The following PPM1J variants were observed in gnomAD, a reference collection of about 807,000 sequenced individuals.
The protein encoded by PPM1J is protein phosphatase 1J.
In PPM1J, 43 loss-of-function variants were observed where a neutral mutation model predicts 53.3. The observed-to-expected ratio is 0.81, with a 90% CI of 0.63 to 1.04. PPM1J has a LOEUF of 1.04. PPM1J is among the 50% of genes least tolerant of loss of function. The pLI is 0.00. For synonymous variants in PPM1J, 267 were observed against 286.4 expected (o/e 0.93, Z 0.68); for missense variants, 635 against 685.9 (o/e 0.93, Z 0.83).
chr1:112,712,054 C>T lies in PPM1J; in HGVS notation c.844G>A (p.Ala282Thr). 3 of 1,605,908 alleles carry T rather than the reference C, an allele frequency of 1.9e-6. No homozygotes were observed. Among genetic ancestry groups the T allele is most frequent in the Non-Finnish European group, 2.6e-6 (3 of 1,174,724 alleles). The change falls in exon 5 of 10, where the codon GCC (alanine) becomes ACC (threonine). Residue 282 changes from alanine to threonine, a missense_variant and splice_region_variant. Coordinates refer to ENST00000309276, the MANE Select transcript of PPM1J (RefSeq NM_005167.7). ...VYVANAGDSRAIIVRNGEIIP... is the reference protein window; with the variant it reads ...VYVANAGDSRTIIVRNGEIIP... ...ATTTCACCATTCCGGACAATGATGG[C>T]CCTGCCCAAAGAAAGAAAAGGAATT...
rs761220235 is a variant in PPM1J, at chr1:112,711,955, T to C, written c.927+16A>G. 1.3e-6 allele frequency: 2 copies of C among 1,581,306 alleles called. No individual in the cohort carries two copies. Among genetic ancestry groups the C allele is most frequent in the South Asian group, 1.1e-5 (1 of 88,538 alleles). On this transcript the variant is annotated intron_variant, in intron 5 of 9. Transcript: ENST00000309276. ...CCCGACAAAGAATGGGGGTAGGGAA[T>C]TTGGTTCCTACTTACAAGCAGCTGA...
rs769621195 is a variant in PPM1J at position 112,715,065 on chromosome 1, C to A, written c.237G>T (p.Gly79=). 17 of 1,543,634 alleles carry A rather than the reference C, an allele frequency of 1.1e-5. No homozygotes were observed. The South Asian group carries it at 1.8e-4, about 16-fold the overall frequency. ...CCGCGTGGTCATCGGCGCGTCGCAG[C>A]CCCCCGGGGCTCAGCTGCAGAAAGG... is the stretch of plus-strand genomic sequence containing the variant. ...RPTFLQLSPG[G]LRRADDHAGR... The change falls in exon 1 of 10, where the codon GGG becomes GGT. Residue 79 remains glycine (G), a synonymous_variant. Coordinates refer to ENST00000309276, the MANE Select transcript of PPM1J (RefSeq NM_005167.7). The surrounding 1 kb of genome is among the most constrained non-coding windows in gnomAD (Gnocchi z 4.4).
chr1:112,710,082 G>T lies in PPM1J; in HGVS notation c.*81C>A, dbSNP rs546048564. On this transcript the variant is annotated 3_prime_UTR_variant, in exon 10 of 10. Transcript: ENST00000309276. The stretch of plus-strand genomic sequence containing the variant: ...TTCAGTTAAGTTGCCACTAAAGAAG[G>T]GTCAGGGAGACAACTTCAGAATTTG... 15 of 1,487,376 alleles carry T rather than the reference G, an allele frequency of 1.0e-5. No homozygotes were observed. The South Asian group carries it at 2.1e-4, about 21-fold the overall frequency. The allele number at this position is 1,487,376 out of a possible 1,614,324, so 92.1% of individuals were successfully genotyped here.
chr1:112,710,377 C>A, intron 9 of PPM1J, 67 bp from the exon 10 acceptor site: 1 of 1,611,646 alleles, frequency 6.2e-7, no homozygotes, highest in Non-Finnish European at 8.5e-7. Context: ...CACAGGCCCA[C>A]ATGTGGGGTC....
Position 112,715,276 on chromosome 1 carries a change from A to G in PPM1J, c.26T>C (p.Val9Ala). The G allele has an allele frequency of 3.0e-6, 4 of 1,324,468 alleles. No homozygotes were observed. Among genetic ancestry groups the G allele is most frequent in the Non-Finnish European group, 3.8e-6 (4 of 1,041,682 alleles). The allele number at this position is 1,324,468 out of a possible 1,614,324, so 82.0% of individuals were successfully genotyped here. The change falls in exon 1 of 10, where the codon GTG becomes GCG. Residue 9 changes from valine (V) to alanine (A), a missense_variant. Transcript: ENST00000309276. This position sits in a 1 kb window ranked among gnomAD's most constrained non-coding sequence, Gnocchi z 4.4. ...GCCCCCGGAGCTCACCAGGTGCGCCACGGCCGAGCGCACCCGGTTTAGCAT... is the reference window on the plus strand; with the variant it reads ...GCCCCCGGAGCTCACCAGGTGCGCCGCGGCCGAGCGCACCCGGTTTAGCAT... MLNRVRSA[V>A]AHLVSSGGAP...
intron 6 of PPM1J, 56 bp downstream of exon 6, chr1:112,711,210 C>G (rs1675048507): frequency 2.0e-6 from 3 of 1,491,068 alleles, no homozygotes; most frequent in South Asian, 1.1e-5. Context: ...TTGCTGCGGG[C>G]GAGGGACTGG....
rs531526071 is a variant in PPM1J at position 112,710,176 on chromosome 1, C to G, written c.1505G>C (p.Gly502Ala). Residue 502 changes from glycine (G) to alanine (A), a missense_variant, in exon 10 of 10, where the codon GGC (glycine) becomes GCC (alanine). Transcript: ENST00000309276. Reference protein sequence around the residue: ...SVFVIPLGGPGSYS With the variant: ...SVFVIPLGGPASYS ...GTGTTCAGCCCCTCAGGAGTAACTG[C>G]CTGGCCCTCCCAGGGGGATGACGAA... The G allele has an allele frequency of 3.8e-6, 6 of 1,566,914 alleles. No individual in the cohort carries two copies. The highest frequency in any genetic ancestry group is 3.4e-4 in the Middle Eastern group (2 of 5,878).
intron 2 of PPM1J, among the ~76,000 whole-genome samples, 157 bp downstream of exon 2, chr1:112,713,340 A>G (rs1234549168): frequency 6.6e-6 from 1 of 152,218 alleles, no homozygotes; most frequent in East Asian, 1.9e-4. Flanking sequence ...CTTACATGGT[A>G]GAATCTAACT....
At chr1:112,710,925 C>T in intron 7 of PPM1J, 74 bp from the exon 8 acceptor site, 2 of 1,588,392 alleles carry the variant, frequency 1.3e-6, no homozygotes, top group African/African-American at 1.3e-5. Context: ...CCTTCCACCC[C>T]TACCCTCAGG....
Position 112,713,603 on chromosome 1 carries a change from T to C in PPM1J, c.335A>G (p.Asn112Ser), listed in dbSNP as rs1196070335. The change falls in exon 2 of 10, where the codon AAT (asparagine) becomes AGT (serine). Residue 112 changes from asparagine (N) to serine (S), a missense_variant. Coordinates refer to ENST00000309276, the MANE Select transcript of PPM1J (RefSeq NM_005167.7). ...PWSTGYAEVINAGKSRHNEDQ... is the reference protein window; with the variant it reads ...PWSTGYAEVISAGKSRHNEDQ... ...CTCATTGTGCCGACTCTTGCCAGCA[T>C]TGATGACCCTGCCAGGCCAGAATGA... 7.4e-6 allele frequency: 12 copies of C among 1,613,674 alleles called. No individual in the cohort carries two copies. Among genetic ancestry groups the C allele is most frequent in the African/African-American group, 2.7e-5 (2 of 74,884 alleles).
At chr1:112,713,442 C>T in intron 2 of PPM1J, 55 bp downstream of exon 2, 1 of 1,269,980 alleles carries the variant, frequency 7.9e-7, no homozygotes, top group Non-Finnish European at 1.2e-6. Flanking sequence ...AACCAGAGGC[C>T]TGAGTCCCTG....
At chr1:112,712,545 T>A in intron 3 of PPM1J, 88 bp from the exon 4 acceptor site, 1 of 1,284,590 alleles carries the variant, frequency 7.8e-7, no homozygotes, top group Non-Finnish European at 1.1e-6. Flanking sequence ...CCCGTAGAAA[T>A]CAACTGGCCC....
chr1:112,715,245 C>A lies in PPM1J; in HGVS notation c.57G>T (p.Pro19=). Residue 19 remains proline, a synonymous_variant, in exon 1 of 10, where the codon CCG becomes CCT. Coordinates refer to ENST00000309276, the MANE Select transcript of PPM1J (RefSeq NM_005167.7). The surrounding 1 kb of genome is among the most constrained non-coding windows in gnomAD (Gnocchi z 4.4). ...VAHLVSSGGA[P]PPRPKSPDLP... is the part of the protein sequence containing the mutation. ...GGTCCGGGGATTTGGGGCGCGGAGG[C>A]GGAGCGCCCCCGGAGCTCACCAGGT... is the stretch of plus-strand genomic sequence containing the variant. 1 of 1,375,158 alleles carries A rather than the reference C, an allele frequency of 7.3e-7. No individual in the cohort carries two copies. The highest frequency in any genetic ancestry group is 9.3e-7 in the Non-Finnish European group (1 of 1,073,864). 85.2% of individuals were successfully genotyped at this position (1,375,158 alleles called of 1,614,324 possible).
At chr1:112,714,101 A>G in intron 1 of PPM1J, 1 of 1,013,282 alleles carries the variant, frequency 9.9e-7, no homozygotes, top group African/African-American at 1.7e-5. Flanking sequence ...CTGCCTTAAC[A>G]ATGAGGAAGC....
chr1:112,712,527 C>T (rs1158129255), intron 3 of PPM1J, 70 bp from the exon 4 acceptor site: 2 of 1,369,694 alleles, frequency 1.5e-6, no homozygotes, highest in Admixed American at 3.9e-5. Context: ...CTCCCCCTAC[C>T]CCCTCCACCC....
intron 9 of PPM1J, 30 bp downstream of exon 9, chr1:112,710,430 C>G: frequency 1.2e-6 from 2 of 1,612,456 alleles, no homozygotes; most frequent in Non-Finnish European, 1.7e-6. Context: ...CCAATGCCAT[C>G]CCCTTACCAC....
intron 3 of PPM1J, 88 bp from the exon 4 acceptor site, chr1:112,712,545 T>C (rs1675089693): frequency 7.8e-7 from 1 of 1,284,472 alleles, no homozygotes; most frequent in African/African-American, 1.5e-5. Context: ...CCCGTAGAAA[T>C]CAACTGGCCC....
intron 7 of PPM1J, 34 bp from the exon 8 acceptor site, chr1:112,710,885 C>T: frequency 6.2e-7 from 1 of 1,604,330 alleles, no homozygotes; most frequent in South Asian, 1.1e-5. Context: ...CCACTGTAGT[C>T]CTCTGCTAGA....
chr1:112,715,053 G>A lies in PPM1J; in HGVS notation c.249C>T (p.Ala83=). The A allele has an allele frequency of 1.3e-6, 2 of 1,537,644 alleles. No homozygotes were observed. The highest frequency in any genetic ancestry group is 1.7e-6 in the Non-Finnish European group (2 of 1,151,100). Reference sequence around the variant, plus strand: ...GCACAGCCCGGCCCGCGTGGTCATCGGCGCGTCGCAGCCCCCCGGGGCTCA... The same window carrying A: ...GCACAGCCCGGCCCGCGTGGTCATCAGCGCGTCGCAGCCCCCCGGGGCTCA... The part of the protein sequence containing the change: ...LQLSPGGLRR[A]DDHAGRAVQS... The change falls in exon 1 of 10, where the codon GCC becomes GCT. Residue 83 remains alanine, a synonymous_variant. Transcript: ENST00000309276. The surrounding 1 kb of genome is among the most constrained non-coding windows in gnomAD (Gnocchi z 4.4).
Sources: gnomAD v4.1 joint callset for allele counts (sites outside exome capture counted in the v4.1 genomes callset) on GRCh38, gnomAD v4.1.1 for gene constraint, Gnocchi (gnomAD v3.1) non-coding constraint, MANE v1.5 for transcripts, NCBI Gene and HGNC (gene_info 2026-07-23, HGNC 2026-07-21) for gene names.